PCDHGB3: variants seen among roughly 807,000 people sequenced by gnomAD.
The protein encoded by PCDHGB3 is protocadherin gamma-B3.
PCDHGB3 carries 40 observed loss-of-function variants against 59.2 expected under a neutral mutation model. The observed-to-expected ratio is 0.68, with a 90% CI of 0.52 to 0.88. PCDHGB3 has a LOEUF of 0.88. Among genes scored for constraint, PCDHGB3 ranks in the 40% least tolerant of loss-of-function variants. The probability of loss-of-function intolerance (pLI) is 0.00; values close to 1 mark genes in which losing one functional copy is unlikely to be tolerated. For synonymous variants in PCDHGB3, 581 were observed against 503.6 expected, an observed-to-expected ratio of 1.15 and a Z score of -2.06; for missense variants, 1,309 against 1,187.9, an observed-to-expected ratio of 1.10 and a Z score of -1.50.
At position 141,476,294 on chromosome 5, in the gene PCDHGB3, A is replaced by T. The variant is rs376905832; in HGVS notation, c.2416-18513A>T. On this transcript the variant is annotated intron_variant, in intron 1 of 3. Coordinates refer to ENST00000576222, the MANE Select transcript of PCDHGB3 (RefSeq NM_018924.5). The surrounding 1 kb of genome is among the most constrained non-coding windows in gnomAD (Gnocchi z 7.6). ...CGCGAACCTTGGTTTGGATCTCGGT[A>T]GCCTCTCAGCCCGCAGGTTCCGGGT... is the stretch of plus-strand genomic sequence containing the variant. 2 of 1,613,036 alleles carry T rather than the reference A, an allele frequency of 1.2e-6. No homozygotes were observed. The highest frequency in any genetic ancestry group is 1.7e-6 in the Non-Finnish European group (2 of 1,179,642).
At chr5:141,428,197 G>C in intron 1 of PCDHGB3, 3 of 1,385,972 alleles carry the variant, frequency 2.2e-6, no homozygotes, top group Non-Finnish European at 3.0e-6. Flanking sequence ...CGCTCTCTGC[G>C]CCGCTACGCT....
At chr5:141,482,790 G>A (rs2099572686) in intron 1 of PCDHGB3, among the ~76,000 whole-genome samples, 1 of 128,870 alleles carries the variant, frequency 7.8e-6, no homozygotes, top group African/African-American at 3.5e-5. Context: ...CTGTGTGTGT[G>A]GCCGGGTACG....
chr5:141,376,015 G>A, intron 1 of PCDHGB3: 7 of 1,613,364 alleles, frequency 4.3e-6, no homozygotes, highest in Non-Finnish European at 5.9e-6. Context: ...GCCTAGTGGT[G>A]GCCGTCCAGG....
intron 1 of PCDHGB3, among the ~76,000 whole-genome samples, chr5:141,457,224 A>G (rs1176186371): frequency 6.6e-6 from 1 of 152,158 alleles, no homozygotes; most frequent in African/African-American, 2.4e-5. Flanking sequence ...GTGGTAGGTA[A>G]TTTCCATCTA....
At chr5:141,419,201 A>C in intron 1 of PCDHGB3, 1 of 1,613,998 alleles carries the variant, frequency 6.2e-7, no homozygotes, top group South Asian at 1.1e-5. Context: ...CGTCAATGAC[A>C]ACGCGCCGGT....
At chr5:141,380,705 T>G (rs1776676195) in intron 1 of PCDHGB3, among the ~76,000 whole-genome samples, 1 of 152,242 alleles carries the variant, frequency 6.6e-6, no homozygotes, top group African/African-American at 2.4e-5. Context: ...AGTCTATAAT[T>G]TAATTTAACT....
chr5:141,460,333 G>A (rs2098986532), intron 1 of PCDHGB3, among the ~76,000 whole-genome samples: 1 of 152,056 alleles, frequency 6.6e-6, no homozygotes, highest in African/African-American at 2.4e-5. Context: ...AACTTATGAT[G>A]ATTTTCTCCT....
rs374663576 is a variant in PCDHGB3, at chr5:141,489,905, G to T, written c.2416-4902G>T. On this transcript the variant is annotated intron_variant, in intron 1 of 3. Coordinates refer to ENST00000576222, the MANE Select transcript of PCDHGB3 (RefSeq NM_018924.5). The surrounding 1 kb of genome is among the most constrained non-coding windows in gnomAD (Gnocchi z 4.5). ...GCTGTGGATGGGGGGACCCCAGCCC[G>T]CTCAGGGACCACCCTTATCTCTGTC... The T allele has an allele frequency of 9.7e-5, 156 of 1,614,226 alleles. 3 individuals are homozygous for T. The South Asian group carries it at 1.6e-3, about 16-fold the overall frequency.
Position 141,370,456 on chromosome 5 carries a change from T to C in PCDHGB3, c.62T>C (p.Leu21Pro), listed in dbSNP as rs889377616. ...CAGAGGCGAATGCTATTTCTCTTCC[T>C]GCTCTCTTTGTTAGACCAGGCTCTC... ...AGQRRMLFLF[L>P]LSLLDQALSE... The change falls in exon 1 of 4, where the codon CTG becomes CCG. Residue 21 changes from leucine (L) to proline (P), a missense_variant. Leu to Pro is a moderately conservative substitution (Grantham distance 98, BLOSUM62 -3). Coordinates refer to ENST00000576222, the MANE Select transcript of PCDHGB3 (RefSeq NM_018924.5). The C allele has an allele frequency of 6.2e-7, 1 of 1,611,944 alleles. No individual in the cohort carries two copies. The highest frequency in any genetic ancestry group is 1.3e-5 in the African/African-American group (1 of 74,964).
intron 1 of PCDHGB3, chr5:141,418,797 A>T (rs201246978): frequency 1.9e-6 from 3 of 1,613,896 alleles, no homozygotes; most frequent in Non-Finnish European, 2.5e-6. Flanking sequence ...GAAGAAGTAG[A>T]AAGATATACG....
Position 141,372,052 on chromosome 5 carries a change from A to G in PCDHGB3, c.1658A>G (p.Asp553Gly), listed in dbSNP as rs1768353245. 1.2e-6 allele frequency: 2 copies of G among 1,613,472 alleles called. No homozygotes were observed. The change falls in exon 1 of 4, where the codon GAC becomes GGC. Residue 553 changes from aspartate (D) to glycine (G), a missense_variant. Coordinates refer to ENST00000576222, the MANE Select transcript of PCDHGB3 (RefSeq NM_018924.5). The stretch of plus-strand genomic sequence containing the variant: ...AACGTGAGCCTGCGCGTGTTGGTGG[A>G]CGACCGCAACGACAATGCACCGCTG... ...SANVSLRVLV[D>G]DRNDNAPLVL...
chr5:141,477,835 T>G lies in PCDHGB3; in HGVS notation c.2416-16972T>G. ...CCCAGGTCCTATATCCTCGGCCAGG[T>G]GGGAGCTCGGTGGAGATGCTGCCTC... On this transcript the variant is annotated intron_variant, in intron 1 of 3. Coordinates refer to ENST00000576222, the MANE Select transcript of PCDHGB3 (RefSeq NM_018924.5). This position sits in a 1 kb window ranked among gnomAD's most constrained non-coding sequence, Gnocchi z 4.9. The G allele has an allele frequency of 6.2e-7, 1 of 1,614,090 alleles. No individual in the cohort carries two copies. Among genetic ancestry groups the G allele is most frequent in the South Asian group, 1.1e-5 (1 of 91,072 alleles).
rs992843398 is a variant in PCDHGB3 at position 141,374,547 on chromosome 5, T to C, written c.2415+1738T>C. On this transcript the variant is annotated intron_variant, in intron 1 of 3. Transcript: ENST00000576222. ...GCTCCATCCTCTCGTTTTCCACTAA[T>C]GGAGGTCTATGACCCTGATGTGGGA... 2.5e-6 allele frequency: 4 copies of C among 1,613,438 alleles called. No homozygotes were observed. The highest frequency in any genetic ancestry group is 1.7e-5 in the Admixed American group (1 of 60,028).
intron 1 of PCDHGB3, chr5:141,389,804 T>G (rs751634687): frequency 2.3e-5 from 37 of 1,613,616 alleles, no homozygotes; most frequent in Non-Finnish European, 3.1e-5. Flanking sequence ...GCCAGCGCCT[T>G]CTGGTCGCCG....
At chr5:141,413,329 A>G (rs762420040) in intron 1 of PCDHGB3, 1 of 1,613,966 alleles carries the variant, frequency 6.2e-7, no homozygotes, top group Non-Finnish European at 8.5e-7. Context: ...CGTGGGCAAC[A>G]TCTCCAAGGA....
intron 1 of PCDHGB3, chr5:141,410,388 C>G (rs1312753736): frequency 6.2e-7 from 1 of 1,613,962 alleles, no homozygotes; most frequent in African/African-American, 1.3e-5. Flanking sequence ...TGCTTCCATC[C>G]TGGTCTCTGT....
At chr5:141,407,013 C>T (rs550387003) in intron 1 of PCDHGB3, among the ~76,000 whole-genome samples, 28 of 152,216 alleles carry the variant, frequency 1.8e-4, no homozygotes, top group Middle Eastern at 6.8e-3. Context: ...TTGAAGTTGA[C>T]TCAAAATTCT....
At chr5:141,420,252 C>T (rs745697672) in intron 1 of PCDHGB3, 1 of 1,576,604 alleles carries the variant, frequency 6.3e-7, no homozygotes, top group Non-Finnish European at 8.6e-7. Flanking sequence ...AGCGTTGAAG[C>T]AGATAAGAAG....
At chr5:141,401,833 TATA>T (rs947293983) in intron 1 of PCDHGB3, among the ~76,000 whole-genome samples, 12 of 152,238 alleles carry the variant, frequency 7.9e-5, no homozygotes, top group African/African-American at 2.9e-4. Context: ...TGAGATTTCT[TATA>T]ATACCACTTA....
Sources: allele counts gnomAD v4.1 joint callset (sites outside exome capture counted in the v4.1 genomes callset), GRCh38; gene constraint gnomAD v4.1.1; non-coding constraint Gnocchi (gnomAD v3.1); transcripts MANE v1.5; gene names NCBI Gene and HGNC (gene_info 2026-07-23, HGNC 2026-07-21).